PEX5L: variants seen among roughly 807,000 people sequenced by gnomAD.
PEX5L encodes the protein peroxisomal biogenesis factor 5 like.
Under a neutral mutation model 84.0 loss-of-function variants are expected in PEX5L, and 30 were observed. The observed-to-expected ratio is 0.36, with a 90% CI of 0.27 to 0.48. PEX5L has a LOEUF of 0.48. PEX5L is among the 20% of genes least tolerant of loss of function. The pLI is 0.99. For missense variants in PEX5L, 533 were observed against 754.6 expected (o/e 0.71, Z 3.44); for synonymous variants, 270 against 283.1 (o/e 0.95, Z 0.46).
chr3:179,877,217 G>A (rs1752710354), intron 5 of PEX5L, among the ~76,000 whole-genome samples: 1 of 152,190 alleles, frequency 6.6e-6, no homozygotes, highest in South Asian at 2.1e-4. Flanking sequence ...GTTGTAGCAT[G>A]TAAGTTATTC....
chr3:179,869,895 A>G (rs1749687254), intron 7 of PEX5L, among the ~76,000 whole-genome samples: 1 of 152,218 alleles, frequency 6.6e-6, no homozygotes, highest in Admixed American at 6.5e-5. Context: ...TATCTATATA[A>G]ATCAACTTCT....
chr3:179,978,562 C>T (rs946248588), intron 1 of PEX5L, among the ~76,000 whole-genome samples: 9 of 152,250 alleles, frequency 5.9e-5, no homozygotes, highest in African/African-American at 2.2e-4. Context: ...ACCCACTTGA[C>T]ATATTTTTAA....
At chr3:179,833,214 GA>G (rs1733789195) in intron 8 of PEX5L, among the ~76,000 whole-genome samples, 1 of 152,202 alleles carries the variant, frequency 6.6e-6, no homozygotes, top group Non-Finnish European at 1.5e-5. Context: ...GAGGTTTTCT[GA>G]GTGAAGAAAT....
At position 179,988,523 on chromosome 3, in the gene PEX5L, C is replaced by A. The variant is rs372681404; in HGVS notation, c.22-16858G>T. ...AATACCCAGGAGGATTTAGTGTCTT[C>A]TACCAGCTGTTATGTACACTTCCCC... On this transcript the variant is annotated intron_variant, in intron 1 of 14. Coordinates refer to ENST00000467460, the MANE Select transcript of PEX5L (RefSeq NM_016559.3). 3.2e-4 allele frequency among the ~76,000 whole-genome samples: 49 copies of A among 152,282 alleles called. 1 individual carries two copies. The highest frequency in any genetic ancestry group is 2.3e-3 in the East Asian group (12 of 5,188).
At chr3:179,909,614 T>G (rs148423285) in intron 2 of PEX5L, among the ~76,000 whole-genome samples, 1 of 152,344 alleles carries the variant, frequency 6.6e-6, no homozygotes, top group East Asian at 1.9e-4. Context: ...AGCTGAGTTG[T>G]GTACTCCCAA....
intron 1 of PEX5L, among the ~76,000 whole-genome samples, chr3:179,993,316 G>T (rs1381928307): frequency 1.3e-5 from 2 of 152,064 alleles, no homozygotes; most frequent in Non-Finnish European, 2.9e-5. Flanking sequence ...TTGAGTTTTT[G>T]ATAAATACAG....
intron 2 of PEX5L, among the ~76,000 whole-genome samples, chr3:179,918,232 C>A (rs1015478019): frequency 1.1e-4 from 16 of 152,162 alleles, no homozygotes; most frequent in Non-Finnish European, 1.5e-4. Flanking sequence ...CCTCTACTAT[C>A]GCTAGGTTCT....
intron 8 of PEX5L, among the ~76,000 whole-genome samples, chr3:179,824,378 C>A (rs1304103779): frequency 6.6e-6 from 1 of 152,146 alleles, no homozygotes; most frequent in Non-Finnish European, 1.5e-5. Flanking sequence ...CCAAACCAAA[C>A]CAAACCAATC....
intron 1 of PEX5L, among the ~76,000 whole-genome samples, chr3:180,020,065 C>G (rs1275419803): frequency 6.6e-6 from 1 of 152,168 alleles, no homozygotes; most frequent in African/African-American, 2.4e-5. Flanking sequence ...CTTGGATTAA[C>G]ATCTCATCGA....
intron 1 of PEX5L, among the ~76,000 whole-genome samples, chr3:179,975,275 AAC>A (rs1785638610): frequency 6.6e-6 from 1 of 152,192 alleles, no homozygotes; most frequent in African/African-American, 2.4e-5. Context: ...GCAAGTAAGT[AAC>A]ACAACAATGA....
chr3:179,846,063 A>G (rs1191073987), intron 8 of PEX5L, among the ~76,000 whole-genome samples: 1 of 152,112 alleles, frequency 6.6e-6, no homozygotes, highest in Non-Finnish European at 1.5e-5. Context: ...CCAGCTACTC[A>G]GGAGGCTGAG....
At chr3:180,017,131 G>A (rs1286092944) in intron 1 of PEX5L, among the ~76,000 whole-genome samples, 3 of 152,196 alleles carry the variant, frequency 2.0e-5, no homozygotes, top group East Asian at 3.9e-4. Flanking sequence ...ACAGATTTGA[G>A]TCTAAATTTT....
chr3:179,911,076 A>G (rs1765007219), intron 2 of PEX5L, among the ~76,000 whole-genome samples: 1 of 152,178 alleles, frequency 6.6e-6, no homozygotes, highest in Non-Finnish European at 1.5e-5. Flanking sequence ...AGACAGAAAA[A>G]TTCCAGTGGT....
Position 180,031,087 on chromosome 3 carries a change from T to C in PEX5L, c.21+5492A>G, listed in dbSNP as rs932536924. 3.9e-5 allele frequency among the ~76,000 whole-genome samples: 6 copies of C among 152,060 alleles called. No individual in the cohort carries two copies. The East Asian group carries it at 1.2e-3, about 29-fold the overall frequency. On this transcript the variant is annotated intron_variant, in intron 1 of 14. Coordinates refer to ENST00000467460, the MANE Select transcript of PEX5L (RefSeq NM_016559.3). ...AGTATGACAATGGATATTTATCTAA[T>C]GGATATTTATACTAATAAAAAAATA... is the stretch of plus-strand genomic sequence containing the variant.
intron 3 of PEX5L, chr3:179,888,336 A>G (rs534654081): frequency 3.2e-6 from 1 of 310,502 alleles, no homozygotes; most frequent in South Asian, 2.7e-5. Context: ...GTATTACATA[A>G]CAAATATTAT....
chr3:179,811,504 A>C (rs1723848707), intron 11 of PEX5L, among the ~76,000 whole-genome samples: 1 of 152,200 alleles, frequency 6.6e-6, no homozygotes, highest in Admixed American at 6.5e-5. Flanking sequence ...CAGAAGGCTA[A>C]AACGTTAAAA....
At chr3:179,989,475 A>T (rs1229005176) in intron 1 of PEX5L, among the ~76,000 whole-genome samples, 2 of 152,216 alleles carry the variant, frequency 1.3e-5, no homozygotes, top group African/African-American at 4.8e-5. Context: ...GAAATGTCAG[A>T]TAACTAGTTT....
chr3:180,010,781 C>T (rs1263099493), intron 1 of PEX5L, among the ~76,000 whole-genome samples: 2 of 151,966 alleles, frequency 1.3e-5, no homozygotes, highest in African/African-American at 4.8e-5. Flanking sequence ...TCATCTTTGC[C>T]ATATCCCATT....
intron 8 of PEX5L, among the ~76,000 whole-genome samples, chr3:179,833,335 G>A (rs1227411000): frequency 2.0e-5 from 3 of 152,208 alleles, no homozygotes; most frequent in African/African-American, 7.2e-5. Context: ...ACCTTTACAA[G>A]TTACTTGTCC....
Sources: allele counts gnomAD v4.1 joint callset (sites outside exome capture counted in the v4.1 genomes callset), GRCh38; gene constraint gnomAD v4.1.1; transcripts MANE v1.5; gene names NCBI Gene and HGNC (gene_info 2026-07-23, HGNC 2026-07-21).